Variants in EPB41 observed in about 807,000 individuals in gnomAD.
The protein encoded by EPB41 is protein 4.1.
A neutral mutation model predicts 108.0 loss-of-function variants in EPB41; 65 were observed. The observed-to-expected ratio is 0.60, with a 90% CI of 0.49 to 0.74. EPB41 has a LOEUF of 0.74. Ranked by LOEUF, EPB41 falls within the 30% of genes least tolerant of loss-of-function variation. The pLI, the probability that EPB41 is intolerant of heterozygous loss-of-function variation, is 0.00. For missense variants in EPB41, 875 were observed against 1,037.0 expected, an observed-to-expected ratio of 0.84 and a Z score of 2.15; for synonymous variants, 336 against 358.9, an observed-to-expected ratio of 0.94 and a Z score of 0.72.
chr1:28,933,935 T>C (rs1359796109), intron 1 of EPB41, among the ~76,000 whole-genome samples: 2 of 152,212 alleles, frequency 1.3e-5, no homozygotes, highest in Non-Finnish European at 2.9e-5. Context: ...ATTAGTAAAC[T>C]GATATTGATA....
chr1:28,904,700 C>G (rs565733932), intron 1 of EPB41, among the ~76,000 whole-genome samples: 2 of 151,766 alleles, frequency 1.3e-5, no homozygotes, highest in Admixed American at 1.3e-4. Flanking sequence ...GAGTTTGAGG[C>G]CAGCCTAGCC....
At chr1:29,045,633 G>A (rs1316822045) in intron 11 of EPB41, among the ~76,000 whole-genome samples, 2 of 149,068 alleles carry the variant, frequency 1.3e-5, no homozygotes, top group East Asian at 4.0e-4. Context: ...AGGATTACAA[G>A]AGTGAGCCAC....
At chr1:28,959,212 CTT>C (rs34502231) in intron 1 of EPB41, among the ~76,000 whole-genome samples, 6 of 97,928 alleles carry the variant, frequency 6.1e-5, no homozygotes, top group Admixed American at 1.2e-4. Flanking sequence ...AAAGTTTGAT[CTT>C]TTTTTTTTTT....
At chr1:28,992,675 T>C (rs1483094844) in intron 2 of EPB41, among the ~76,000 whole-genome samples, 1 of 152,016 alleles carries the variant, frequency 6.6e-6, no homozygotes, top group South Asian at 2.1e-4. Context: ...GGCTACAGAG[T>C]GAGACTCCGT....
chr1:29,081,145 A>C (rs1321197032), intron 16 of EPB41, among the ~76,000 whole-genome samples: 1 of 152,222 alleles, frequency 6.6e-6, no homozygotes, highest in East Asian at 1.9e-4. Context: ...ACTGGTGTGC[A>C]TTCAGTTCTC....
chr1:28,887,574 CT>C lies in EPB41; in HGVS notation c.-8+365del, dbSNP rs1237501102. ...GGTCGGCGCAGCCCCCGGCCGCCCC[CT>C]AGCCCCGCCTTGCCCGGCCCCGCAT... On this transcript the variant is annotated intron_variant, in intron 1 of 16. Transcript: ENST00000347529. The surrounding 1 kb of genome is among the most constrained non-coding windows in gnomAD (Gnocchi z 4.9). The C allele has an allele frequency of 4.1e-6, 4 of 985,132 alleles. No individual in the cohort carries two copies. The highest frequency in any genetic ancestry group is 2.3e-4 in the East Asian group (2 of 8,804). The allele number at this position is 985,132 out of a possible 1,614,324, so 61.0% of individuals were successfully genotyped here. A position where few individuals can be genotyped will look rare whatever the true frequency, so the allele number is the denominator to read the frequency against.
chr1:28,964,228 C>G (rs1325397528), intron 1 of EPB41, among the ~76,000 whole-genome samples: 3 of 152,144 alleles, frequency 2.0e-5, no homozygotes, highest in Non-Finnish European at 4.4e-5. Context: ...CACTTTAGGT[C>G]AGGAATTTGA....
intron 4 of EPB41, among the ~76,000 whole-genome samples, chr1:29,001,879 C>T (rs1411673927): frequency 2.0e-5 from 3 of 152,022 alleles, no homozygotes; most frequent in Admixed American, 6.6e-5. Flanking sequence ...TCTGGGCCCA[C>T]GTCTATTTTT....
At chr1:28,902,933 T>C (rs2091447454) in intron 1 of EPB41, among the ~76,000 whole-genome samples, 1 of 152,148 alleles carries the variant, frequency 6.6e-6, no homozygotes, top group Non-Finnish European at 1.5e-5. Flanking sequence ...AGATAGTGTC[T>C]TGAGCAAGGA....
intron 1 of EPB41, among the ~76,000 whole-genome samples, chr1:28,986,514 CT>C (rs2095872499): frequency 6.6e-6 from 1 of 152,184 alleles, no homozygotes. Flanking sequence ...TCAACACTTG[CT>C]TTATAAGTTT....
intron 1 of EPB41, among the ~76,000 whole-genome samples, chr1:28,916,661 A>G (rs949575116): frequency 2.0e-5 from 3 of 152,368 alleles, no homozygotes; most frequent in East Asian, 3.9e-4. Flanking sequence ...ATTGTTGAAC[A>G]TAAGTTCAGA....
intron 11 of EPB41, among the ~76,000 whole-genome samples, chr1:29,051,787 A>G (rs1189280024): frequency 1.3e-5 from 2 of 151,990 alleles, no homozygotes; most frequent in Admixed American, 6.6e-5. Flanking sequence ...AGTCCCAGCT[A>G]CTGGGGAGGC....
rs375696018 is a variant in EPB41, at chr1:29,109,404, C to T, written c.2382C>T (p.Thr794=). The part of the protein sequence containing the change: ...LLTAQTITSE[T]PSSTTTTQIT... ...CAGCTCAAACTATCACATCTGAGAC[C>T]CCAAGCAGCACCACCACAACTCAAA... Residue 794 remains threonine, a synonymous_variant, in exon 18 of 21, where the codon ACC becomes ACT. Coordinates refer to ENST00000343067, the MANE Select transcript of EPB41 (RefSeq NM_001376013.1). The T allele has an allele frequency of 1.4e-5, 23 of 1,614,074 alleles. No individual in the cohort carries two copies. In the African/African-American group the frequency reaches 2.1e-4, roughly 15 times the overall value.
At chr1:29,089,718 G>A (rs1477861657) in intron 16 of EPB41, among the ~76,000 whole-genome samples, 1 of 152,200 alleles carries the variant, frequency 6.6e-6, no homozygotes, top group East Asian at 1.9e-4. Context: ...GGATATATGT[G>A]GAGTTGTAGC....
chr1:29,088,045 C>CTTTTTTTTTTTTTTTTTTTTTTTTT (rs750809586), intron 16 of EPB41, among the ~76,000 whole-genome samples: 3 of 131,576 alleles, frequency 2.3e-5, no homozygotes, highest in Non-Finnish European at 3.3e-5. Flanking sequence ...TTCTTTTTTT[C>CTTTTTTTTTTTTTTTTTTTTTTTTT]TTTTTTTCTT....
chr1:29,104,561 G>A (rs1017318414), intron 17 of EPB41, among the ~76,000 whole-genome samples: 4 of 151,568 alleles, frequency 2.6e-5, no homozygotes, highest in Non-Finnish European at 5.9e-5. Flanking sequence ...GACTCCAGGC[G>A]CACACCACTA....
At chr1:29,016,923 C>T (rs2096586058) in intron 6 of EPB41, among the ~76,000 whole-genome samples, 2 of 152,188 alleles carry the variant, frequency 1.3e-5, no homozygotes, top group South Asian at 2.1e-4. Context: ...GTTTCCATAT[C>T]TCTCAAATAA....
intron 7 of EPB41, among the ~76,000 whole-genome samples, chr1:29,020,059 A>T (rs1232360920): frequency 6.6e-6 from 1 of 151,758 alleles, no homozygotes; most frequent in African/African-American, 2.4e-5. Flanking sequence ...ATACATTTTT[A>T]TTGTTTTTAT....
chr1:29,088,551 A>C (rs767438480), intron 16 of EPB41, among the ~76,000 whole-genome samples: 3 of 152,098 alleles, frequency 2.0e-5, no homozygotes, highest in Non-Finnish European at 2.9e-5. Context: ...ATATAATCCA[A>C]TGGCCCTTGA....
Sources: allele counts gnomAD v4.1 joint callset (sites outside exome capture counted in the v4.1 genomes callset), GRCh38; gene constraint gnomAD v4.1.1; non-coding constraint Gnocchi (gnomAD v3.1); transcripts MANE v1.5; gene names NCBI Gene and HGNC (gene_info 2026-07-23, HGNC 2026-07-21).